Variants in CDH4 observed in about 807,000 individuals in gnomAD.
CDH4 encodes the protein cadherin 4, also known as cadherin-4.
Under a neutral mutation model 86.0 loss-of-function variants are expected in CDH4, and 33 were observed. That is an observed-to-expected ratio of 0.38 (90% confidence interval 0.29 to 0.51). The LOEUF is 0.51. Ranked by LOEUF, CDH4 falls within the 20% of genes least tolerant of loss-of-function variation. CDH4 has a pLI of 0.86. For missense variants in CDH4, 1,114 were observed against 1,307.4 expected (o/e 0.85, Z 2.28); for synonymous variants, 555 against 549.4 (o/e 1.01, Z -0.14).
At chr20:61,630,107 C>T (rs1170405909) in intron 2 of CDH4, among the ~76,000 whole-genome samples, 3 of 152,242 alleles carry the variant, frequency 2.0e-5, no homozygotes, top group Non-Finnish European at 2.9e-5. Context: ...CAGCCATGAA[C>T]ACAGGATGCA....
chr20:61,870,480 T>C (rs867453624), intron 6 of CDH4, among the ~76,000 whole-genome samples: 4 of 152,220 alleles, frequency 2.6e-5, no homozygotes, highest in Middle Eastern at 6.8e-3. Context: ...CCCGATCCCT[T>C]CTTCCCTCAC....
At chr20:61,830,573 G>C (rs1370239210) in intron 4 of CDH4, among the ~76,000 whole-genome samples, 1 of 152,162 alleles carries the variant, frequency 6.6e-6, no homozygotes, top group Non-Finnish European at 1.5e-5. Flanking sequence ...ATCTGCAGCG[G>C]CCCCGCCTCC....
Position 61,709,938 on chromosome 20 carries a change from G to A in CDH4, c.170-33625G>A, listed in dbSNP as rs2087871768. ...GTGTGAGAGTTTTTTTCATTAGCGG[G>A]ATCGGGCAAGACCATCTGTGTGTTG... On this transcript the variant is annotated intron_variant, in intron 2 of 15. Coordinates refer to ENST00000614565, the MANE Select transcript of CDH4 (RefSeq NM_001794.5). The surrounding 1 kb of genome is among the most constrained non-coding windows in gnomAD (Gnocchi z 4.8). Among the ~76,000 whole-genome samples the A allele has an allele frequency of 6.6e-6, 1 of 152,148 alleles. No individual in the cohort carries two copies. Among genetic ancestry groups the A allele is most frequent in the South Asian group, 2.1e-4 (1 of 4,822 alleles).
chr20:61,740,490 G>A (rs1014380129), intron 2 of CDH4: 1 of 152,184 alleles, frequency 6.6e-6, no homozygotes, highest in African/African-American at 2.4e-5. Flanking sequence ...CTTTCCTTAT[G>A]AAAGAGGCCA....
intron 2 of CDH4, among the ~76,000 whole-genome samples, chr20:61,415,948 C>T (rs921689401): frequency 6.6e-6 from 1 of 151,468 alleles, no homozygotes; most frequent in South Asian, 2.1e-4. Context: ...GATCCACCTG[C>T]CTTGGCCTCC....
intron 2 of CDH4, among the ~76,000 whole-genome samples, chr20:61,665,347 C>G (rs570592691): frequency 6.6e-6 from 1 of 152,244 alleles, no homozygotes; most frequent in African/African-American, 2.4e-5. Context: ...AATGCTCACT[C>G]GTGAAATGGC....
rs182896430 is a variant in CDH4 at position 61,709,476 on chromosome 20, A to C, written c.170-34087A>C. ...TTTTTAGGAGGGACGGGGTTTCACC[A>C]TGTTGGCCAGGCTGGTCTCGAACCC... On this transcript the variant is annotated intron_variant, in intron 2 of 15. Coordinates refer to ENST00000614565, the MANE Select transcript of CDH4 (RefSeq NM_001794.5). This position sits in a 1 kb window ranked among gnomAD's most constrained non-coding sequence, Gnocchi z 4.8. Among the ~76,000 whole-genome samples the C allele has an allele frequency of 7.2e-5, 11 of 152,048 alleles. No homozygotes were observed. Among genetic ancestry groups the C allele is most frequent in the African/African-American group, 2.7e-4 (11 of 41,490 alleles).
chr20:61,576,097 G>A (rs944439772), intron 2 of CDH4, among the ~76,000 whole-genome samples: 8 of 152,198 alleles, frequency 5.3e-5, no homozygotes, highest in African/African-American at 7.2e-5. Context: ...CTCCCCATTC[G>A]GAGGCACGCA....
At position 61,936,798 on chromosome 20, in the gene CDH4, A is replaced by G; in HGVS notation, c.2606A>G (p.Asp869Gly). The G allele has an allele frequency of 6.2e-7, 1 of 1,610,820 alleles. No homozygotes were observed. The highest frequency in any genetic ancestry group is 8.5e-7 in the Non-Finnish European group (1 of 1,179,182). ...CCCTATGACTCCCTGCTGGTCTTCG[A>G]CTACGAGGGGAGCGGCTCCACCGCA... ...APPYDSLLVF[D>G]YEGSGSTAGS... is the part of the protein sequence containing the mutation. Residue 869 changes from aspartate (D) to glycine (G), a missense_variant, in exon 16 of 16, where the codon GAC becomes GGC. By Grantham distance (94) the Asp-to-Gly change is moderately conservative. Transcript: ENST00000614565.
chr20:61,287,461 C>T (rs928229444), intron 2 of CDH4, among the ~76,000 whole-genome samples: 4 of 152,072 alleles, frequency 2.6e-5, no homozygotes, highest in Non-Finnish European at 5.9e-5. Context: ...GGTGACAGAA[C>T]GAGACCCTGT....
rs549272296 is a variant in CDH4 at position 61,499,482 on chromosome 20, C to T, written c.170-244081C>T. On this transcript the variant is annotated intron_variant, in intron 2 of 15. Transcript: ENST00000614565. ...TTCTCAGCGCCTCCTTTCTACCCTG[C>T]TTTAAAGAAGGCAAGTGTGAGTGTG... The T allele has an allele frequency of 4.8e-5, 62 of 1,289,150 alleles. No homozygotes were observed. The East Asian group carries it at 2.2e-3, about 46-fold the overall frequency. 79.9% of individuals were successfully genotyped at this position (1,289,150 alleles called of 1,614,324 possible).
At chr20:61,554,871 T>A (rs1421705339) in intron 2 of CDH4, among the ~76,000 whole-genome samples, 1 of 140,750 alleles carries the variant, frequency 7.1e-6, no homozygotes, top group Non-Finnish European at 1.5e-5. Context: ...TGTTTGTGTG[T>A]CTGAGTAAGC....
chr20:61,933,061 C>T lies in CDH4; in HGVS notation c.2316C>T (p.Pro772=), dbSNP rs769948464. ...ACACGAAGCAGCTGCTCATTGACCC[C>T]GAGGACGACGTCCGCGACAACATCC... The part of the protein sequence containing the change: ...ERHTKQLLID[P]EDDVRDNILK... The change falls in exon 14 of 16, where the codon CCC becomes CCT. Residue 772 remains proline (P), a synonymous_variant. Coordinates refer to ENST00000614565, the MANE Select transcript of CDH4 (RefSeq NM_001794.5). 36 of 1,613,134 alleles carry T rather than the reference C, an allele frequency of 2.2e-5. No homozygotes were observed. The East Asian group carries it at 2.5e-4, about 11-fold the overall frequency.
chr20:61,618,003 C>T (rs375727467), intron 2 of CDH4, among the ~76,000 whole-genome samples: 4 of 152,138 alleles, frequency 2.6e-5, no homozygotes, highest in African/African-American at 4.8e-5. Context: ...TCTTGCCTGC[C>T]GCCATGTAAG....
At chr20:61,291,865 A>G (rs2084323325) in intron 2 of CDH4, among the ~76,000 whole-genome samples, 1 of 152,104 alleles carries the variant, frequency 6.6e-6, no homozygotes, top group African/African-American at 2.4e-5. Context: ...CCGATACCCA[A>G]TAGTTGTCTT....
chr20:61,394,525 G>A (rs1568827820), intron 2 of CDH4, among the ~76,000 whole-genome samples: 1 of 152,098 alleles, frequency 6.6e-6, no homozygotes, highest in South Asian at 2.1e-4. Flanking sequence ...TCTCTGGCAA[G>A]GACAGTAAGA....
intron 2 of CDH4, among the ~76,000 whole-genome samples, chr20:61,464,184 G>T (rs2085460542): frequency 6.6e-6 from 1 of 152,302 alleles, no homozygotes; most frequent in Non-Finnish European, 1.5e-5. Context: ...GTGTTGAGAA[G>T]AAGGTGCTGG....
At chr20:61,552,023 A>C (rs2086134588) in intron 2 of CDH4, among the ~76,000 whole-genome samples, 1 of 152,192 alleles carries the variant, frequency 6.6e-6, no homozygotes, top group Non-Finnish European at 1.5e-5. Flanking sequence ...AAAACTATAA[A>C]ACTCTAAGAA....
At chr20:61,887,166 A>G (rs1398722950) in intron 7 of CDH4, among the ~76,000 whole-genome samples, 1 of 151,784 alleles carries the variant, frequency 6.6e-6, no homozygotes, top group African/African-American at 2.4e-5. Context: ...TGATGAGGTC[A>G]GGAGCCTGAC....
Sources: gnomAD v4.1 joint callset for allele counts (sites outside exome capture counted in the v4.1 genomes callset) on GRCh38, gnomAD v4.1.1 for gene constraint, Gnocchi (gnomAD v3.1) non-coding constraint, MANE v1.5 for transcripts, NCBI Gene and HGNC (gene_info 2026-07-23, HGNC 2026-07-21) for gene names.